The following BRD1 variants were observed in gnomAD, a reference collection of about 807,000 sequenced individuals.
The protein encoded by BRD1 is bromodomain containing 1, also known as bromodomain-containing protein 1.
BRD1 carries 24 observed loss-of-function variants against 107.7 expected under a neutral mutation model. That is an observed-to-expected ratio of 0.22 (90% CI 0.16 to 0.31). The LOEUF (loss-of-function observed/expected upper bound fraction) is 0.31. BRD1 is among the 10% of genes least tolerant of loss of function. The pLI is 1.00. For missense variants in BRD1, 1,279 were observed against 1,638.6 expected (o/e 0.78, Z 3.79); for synonymous variants, 744 against 686.1 (o/e 1.08, Z -1.32).
chr22:49,777,745 T>A lies in BRD1; in HGVS notation c.2926A>T (p.Thr976Ser). The A allele has an allele frequency of 6.2e-7, 1 of 1,607,076 alleles. No individual in the cohort carries two copies. The highest frequency in any genetic ancestry group is 8.5e-7 in the Non-Finnish European group (1 of 1,178,136). ...EPGGGLGRKA[T>S]PRRRCASESS... The stretch of plus-strand genomic sequence containing the variant: ...TCGGAGGCACAGCGTCGTCGGGGTG[T>A]GGCCTTCCTCCCCAGGCCGCCGCCC... Residue 976 changes from threonine to serine, a missense_variant, in exon 9 of 13, where the codon ACA becomes TCA. Physicochemically the swap from Thr to Ser is moderately conservative, Grantham distance 58. Transcript: ENST00000404760.
intron 3 of BRD1, 77 bp from the exon 4 acceptor site, chr22:49,799,196 G>A: frequency 6.5e-7 from 1 of 1,545,036 alleles, no homozygotes; most frequent in Non-Finnish European, 8.7e-7. Flanking sequence ...ATGCAGGTGA[G>A]ACCCCAAGAG....
chr22:49,824,100 C>A lies in BRD1; in HGVS notation c.218G>T (p.Cys73Phe). 1 of 1,614,018 alleles carries A rather than the reference C, an allele frequency of 6.2e-7. No individual in the cohort carries two copies. The highest frequency in any genetic ancestry group is 8.5e-7 in the Non-Finnish European group (1 of 1,180,038). ...DDLTAQEMSECNSNKENSERP... is the reference protein window; with the variant it reads ...DDLTAQEMSEFNSNKENSERP... ...CTCGCTGTTTTCCTTGTTGCTGTTG[C>A]ACTCACTCATCTCTTGAGCAGTGAG... Residue 73 changes from cysteine (C) to phenylalanine (F), a missense_variant, in exon 2 of 13, where the codon TGC (cysteine) becomes TTC (phenylalanine). Physicochemically the swap from Cys to Phe is radical, Grantham distance 205 (BLOSUM62 -2). Coordinates refer to ENST00000404760, the MANE Select transcript of BRD1 (RefSeq NM_001304808.3). This position sits in a 1 kb window ranked among gnomAD's most constrained non-coding sequence, Gnocchi z 5.9.
chr22:49,775,623 G>A lies in BRD1; in HGVS notation c.3354C>T (p.Phe1118=). ...HMQTKSDEKL[F]LVLFFDNKRS... is the part of the protein sequence containing the mutation. ...TCTTATTATCAAAAAAGAGAACGAG[G>A]AACAGCTTCTCATCAGACTTGGTCT... Residue 1118 remains phenylalanine, a synonymous_variant, in exon 12 of 13, where the codon TTC becomes TTT. Coordinates refer to ENST00000404760, the MANE Select transcript of BRD1 (RefSeq NM_001304808.3). 1.2e-6 allele frequency: 2 copies of A among 1,612,164 alleles called. No individual in the cohort carries two copies. The highest frequency in any genetic ancestry group is 1.3e-5 in the African/African-American group (1 of 74,922).
rs756703870 is a variant in BRD1 at position 49,787,401 on chromosome 22, C to A, written c.2846G>T (p.Arg949Leu). 2.5e-6 allele frequency: 4 copies of A among 1,602,928 alleles called. No individual in the cohort carries two copies. Among genetic ancestry groups the A allele is most frequent in the South Asian group, 1.1e-5 (1 of 90,990 alleles). ...SEVEEESPGKRLDAGLTNGFG... is the reference protein window; with the variant it reads ...SEVEEESPGKLLDAGLTNGFG... ...CCCGCGGCATTTACCTGCGTCCAGG[C>A]GCTTTCCTGGGGACTCCTCCTCCAC... The change falls in exon 8 of 13, where the codon CGC (arginine) becomes CTC (leucine). Residue 949 changes from arginine (R) to leucine (L), a missense_variant. Arg to Leu is a moderately radical substitution (Grantham distance 102). Around this residue, in one of 7 missense-constraint regions of BRD1, gnomAD observed 263 missense variants for 251.6 expected, o/e 1.05. Transcript: ENST00000404760.
At chr22:49,786,898 G>C (rs1302015936) in intron 8 of BRD1, among the ~76,000 whole-genome samples, 1 of 150,192 alleles carries the variant, frequency 6.7e-6, no homozygotes, top group Non-Finnish European at 1.5e-5. Context: ...TTCAAGACCA[G>C]CCGGGACAAC....
chr22:49,778,754 C>A (rs934759274), intron 8 of BRD1, among the ~76,000 whole-genome samples: 1 of 152,154 alleles, frequency 6.6e-6, no homozygotes, highest in Non-Finnish European at 1.5e-5. Flanking sequence ...CTCCACCTCC[C>A]GGGTTCACGC....
intron 3 of BRD1, among the ~76,000 whole-genome samples, chr22:49,799,576 G>C (rs547991320): frequency 1.3e-5 from 2 of 152,248 alleles, no homozygotes; most frequent in African/African-American, 2.4e-5. Flanking sequence ...GCCCATCCTG[G>C]CTTGGACAGA....
rs973710135 is a variant in BRD1 at position 49,804,503 on chromosome 22, T to C, written c.1368-143A>G. ...AGCCATGACACCTGTATTTCTACTA[T>C]CCCTAGTGCTGCTAAAACAAAATTC... On this transcript the variant is annotated intron_variant, in intron 2 of 12. Coordinates refer to ENST00000404760, the MANE Select transcript of BRD1 (RefSeq NM_001304808.3). The C allele has an allele frequency of 1.1e-5, 10 of 898,244 alleles. No individual in the cohort carries two copies. In the East Asian group the frequency reaches 3.0e-4, roughly 27 times the overall value. 55.6% of individuals were successfully genotyped at this position (898,244 alleles called of 1,614,324 possible).
At position 49,777,650 on chromosome 22, in the gene BRD1, G is replaced by A. The variant is rs375117883; in HGVS notation, c.2993+28C>T. On this transcript the variant is annotated intron_variant, in intron 9 of 12. Coordinates refer to ENST00000404760, the MANE Select transcript of BRD1 (RefSeq NM_001304808.3). ...GGCGGGCGGTGCTGGGAGCTGCGTG[G>A]TGGGAAGCGCAGGGCCGCGGTGCCC... 121 of 1,595,372 alleles carry A rather than the reference G, an allele frequency of 7.6e-5. No individual in the cohort carries two copies. In the African/African-American group the frequency reaches 1.1e-3, roughly 14 times the overall value.
rs1341834739 is a variant in BRD1 at position 49,774,258 on chromosome 22, G to A, written c.3545C>T (p.Thr1182Ile). 1.5e-5 allele frequency: 25 copies of A among 1,613,896 alleles called. No individual in the cohort carries two copies. Among genetic ancestry groups the A allele is most frequent in the Non-Finnish European group, 1.9e-5 (23 of 1,179,930 alleles). The change falls in exon 13 of 13, where the codon ACC becomes ATC. Residue 1182 changes from threonine (T) to isoleucine (I), a missense_variant. Thr to Ile is a moderately conservative substitution (Grantham distance 89, BLOSUM62 -1). Coordinates refer to ENST00000404760, the MANE Select transcript of BRD1 (RefSeq NM_001304808.3). ...TCAGTCAATGTCACTGAGGTCGCTG[G>A]TCGGCTCCCCGTGGACGCGGCTCAG... ...NHLSRVHGEP[T>I]SDLSDID
chr22:49,796,184 G>A (rs1231993023), intron 6 of BRD1, among the ~76,000 whole-genome samples: 4 of 151,236 alleles, frequency 2.6e-5, no homozygotes, highest in Admixed American at 6.6e-5. Flanking sequence ...ACCGCCTCCC[G>A]GATTCACGCC....
At chr22:49,777,305 A>G (rs1416499218) in intron 9 of BRD1, 144 bp from the exon 10 acceptor site, 1 of 1,307,864 alleles carries the variant, frequency 7.6e-7, no homozygotes, top group Non-Finnish European at 1.0e-6. Context: ...GTGGGTGCGC[A>G]GGTCTGGAGG....
Position 49,777,693 on chromosome 22 carries a change from G to A in BRD1, c.2978C>T (p.Pro993Leu), listed in dbSNP as rs749277542. Residue 993 changes from proline to leucine, a missense_variant, in exon 9 of 13, where the codon CCG becomes CTG. By Grantham distance (98) the Pro-to-Leu change is moderately conservative (BLOSUM62 -3). Transcript: ENST00000404760. ...CGGTGCCCACCTCGAGTCGCAGAGC[G>A]GGCTGTTGCTGGAGGAGATGCTGGA... ...SESSISSSNS[P>L]LCDSSFNAPK... is the part of the protein sequence containing the mutation. The A allele has an allele frequency of 2.3e-5, 37 of 1,607,830 alleles. No homozygotes were observed. Among genetic ancestry groups the A allele is most frequent in the Non-Finnish European group, 2.7e-5 (32 of 1,178,222 alleles).
At chr22:49,791,851 C>T (rs536603974) in intron 7 of BRD1, among the ~76,000 whole-genome samples, 1 of 152,278 alleles carries the variant, frequency 6.6e-6, no homozygotes, top group East Asian at 1.9e-4. Context: ...AGGAAACGCC[C>T]TTTTCATCAA....
intron 3 of BRD1, among the ~76,000 whole-genome samples, chr22:49,801,634 C>T (rs1341690753): frequency 6.6e-6 from 1 of 152,244 alleles, no homozygotes; most frequent in East Asian, 1.9e-4. Flanking sequence ...TGCTCCTTCC[C>T]AGGTGACTTC....
intron 2 of BRD1, among the ~76,000 whole-genome samples, chr22:49,811,581 G>A (rs1349606369): frequency 6.6e-6 from 1 of 152,198 alleles, no homozygotes; most frequent in Non-Finnish European, 1.5e-5. Context: ...TCACGCTCCC[G>A]GCAGGCAGGA....
At chr22:49,810,865 C>T (rs1172448327) in intron 2 of BRD1, among the ~76,000 whole-genome samples, 4 of 152,172 alleles carry the variant, frequency 2.6e-5, no homozygotes, top group African/African-American at 9.7e-5. Flanking sequence ...TACTAAACAG[C>T]ATTACCACAT....
Position 49,803,396 on chromosome 22 carries a change from C to T in BRD1, c.1524+808G>A, listed in dbSNP as rs1487031622. Among the ~76,000 whole-genome samples, 2 of 152,216 alleles carry T rather than the reference C, an allele frequency of 1.3e-5. No individual in the cohort carries two copies. Among genetic ancestry groups the T allele is most frequent in the African/African-American group, 4.8e-5 (2 of 41,450 alleles). ...TCCAAGAGGCACTCAGGCCACGCGA[C>T]GCCAGCAGCAGACAGCTCTTCCAAA... is the stretch of plus-strand genomic sequence containing the variant. On this transcript the variant is annotated intron_variant, in intron 3 of 12. Coordinates refer to ENST00000404760, the MANE Select transcript of BRD1 (RefSeq NM_001304808.3). The surrounding 1 kb of genome is among the most constrained non-coding windows in gnomAD (Gnocchi z 4.4).
At position 49,784,315 on chromosome 22, in the gene BRD1, C is replaced by T. The variant is rs1354433722; in HGVS notation, c.2857+3075G>A. Among the ~76,000 whole-genome samples, 4 of 151,064 alleles carry T rather than the reference C, an allele frequency of 2.6e-5. 1 individual carries two copies. The highest frequency in any genetic ancestry group is 7.3e-5 in the African/African-American group (3 of 41,042). ...CAACGGCGGCGAGTAGACAAAGACA[C>T]CCCCACGCTCTCACACGCCCCAGCA... On this transcript the variant is annotated intron_variant, in intron 8 of 12. Transcript: ENST00000404760.
Sources: allele counts gnomAD v4.1 joint callset (sites outside exome capture counted in the v4.1 genomes callset), GRCh38; gene constraint gnomAD v4.1.1; regional missense constraint gnomAD v4.1.1; non-coding constraint Gnocchi (gnomAD v3.1); transcripts MANE v1.5; gene names NCBI Gene and HGNC (gene_info 2026-07-23, HGNC 2026-07-21).